Variants in LAMA4 observed in about 807,000 individuals in gnomAD.
LAMA4 encodes laminin subunit alpha-4.
A neutral mutation model predicts 207.1 loss-of-function variants in LAMA4; 127 were observed. The observed-to-expected ratio is 0.61, with a 90% CI of 0.53 to 0.71. The LOEUF is 0.71. Ranked by LOEUF, LAMA4 falls within the 30% of genes least tolerant of loss-of-function variation. The probability of loss-of-function intolerance (pLI) is 0.00; values close to 1 mark genes in which losing one functional copy is unlikely to be tolerated. For missense variants in LAMA4, 2,093 were observed against 2,246.5 expected (o/e 0.93, Z 1.38); for synonymous variants, 761 against 816.0 (o/e 0.93, Z 1.15).
intron 8 of LAMA4, chr6:112,186,828 G>C (rs1782711371): frequency 2.2e-6 from 1 of 454,422 alleles, no homozygotes; most frequent in South Asian, 1.6e-5. Context: ...TGTGGATATG[G>C]AGGGCCAACT....
rs782347783 is a variant in LAMA4, at chr6:112,216,378, C to T, written c.287G>A (p.Gly96Glu). 2 of 1,611,416 alleles carry T rather than the reference C, an allele frequency of 1.2e-6. No homozygotes were observed. The highest frequency in any genetic ancestry group is 8.5e-7 in the Non-Finnish European group (1 of 1,177,490). ...GNSNECLDGSGYCVHCQRNTT... is the reference protein window; with the variant it reads ...GNSNECLDGSEYCVHCQRNTT... ...GGTGCCCCAACTTACCACACAGTAT[C>T]CTGAGCCGTCCAAACACTCGTTGGA... Residue 96 changes from glycine to glutamate, a missense_variant, in exon 3 of 39, where the codon GGA (glycine) becomes GAA (glutamate). By Grantham distance (98) the Gly-to-Glu change is moderately conservative. Around this residue, in one of 3 missense-constraint regions of LAMA4, gnomAD observed 1,704 missense variants for 1,788.4 expected, o/e 0.95. Transcript: ENST00000230538.
Position 112,155,308 on chromosome 6 carries a change from T to G in LAMA4, c.1959+257A>C, listed in dbSNP as rs192210765. 3.0e-5 allele frequency: 17 copies of G among 565,358 alleles called. No individual in the cohort carries two copies. The Admixed American group carries it at 5.0e-4, about 17-fold the overall frequency. 35.0% of individuals were successfully genotyped at this position (565,358 alleles called of 1,614,324 possible). A position where few individuals can be genotyped will look rare whatever the true frequency, so the allele number is the denominator to read the frequency against. On this transcript the variant is annotated intron_variant, in intron 15 of 38. Transcript: ENST00000230538. Reference sequence around the variant, plus strand: ...GCAAGAACTAATTTTAAATACATATTTTTTTTTTCAGGGACTTTGGCTAAA... The same window carrying G: ...GCAAGAACTAATTTTAAATACATATGTTTTTTTTCAGGGACTTTGGCTAAA...
rs553936254 is a variant in LAMA4 at position 112,245,951 on chromosome 6, C to T, written c.195+8005G>A. Among the ~76,000 whole-genome samples, 33 of 152,044 alleles carry T rather than the reference C, an allele frequency of 2.2e-4. No homozygotes were observed. In the South Asian group the frequency reaches 6.0e-3, roughly 28 times the overall value. ...GATTTGGGCTGAATATGGAAATTTT[C>T]CCATTACCATTCAGCTTCAGAATGT... On this transcript the variant is annotated intron_variant, in intron 2 of 38. Coordinates refer to ENST00000230538, the MANE Select transcript of LAMA4 (RefSeq NM_001105206.3).
At chr6:112,190,939 CTTTCT>C (rs1783048346) in intron 6 of LAMA4, among the ~76,000 whole-genome samples, 8 of 45,972 alleles carry the variant, frequency 1.7e-4, no homozygotes, top group African/African-American at 7.2e-4. Context: ...TTCTTTCTTT[CTTTCT>C]TTCCTTTCTT....
rs2114526850 is a variant in LAMA4 at position 112,109,177 on chromosome 6, A to C, written c.*260T>G. 2.0e-6 allele frequency: 1 copy of C among 494,028 alleles called. No homozygotes were observed. The highest frequency in any genetic ancestry group is 3.8e-5 in the East Asian group (1 of 26,458). 30.6% of individuals were successfully genotyped at this position (494,028 alleles called of 1,614,324 possible). A position where few individuals can be genotyped will look rare whatever the true frequency, so the allele number is the denominator to read the frequency against. ...TATTAGAAACAGAAACAGTAATTTCACCAGTAGGAATTGCGTGTGCTCTCA... is the reference window on the plus strand; with the variant it reads ...TATTAGAAACAGAAACAGTAATTTCCCCAGTAGGAATTGCGTGTGCTCTCA... On this transcript the variant is annotated 3_prime_UTR_variant, in exon 39 of 39. Transcript: ENST00000230538.
intron 4 of LAMA4, among the ~76,000 whole-genome samples, chr6:112,204,980 T>C (rs758362434): frequency 6.6e-6 from 1 of 152,200 alleles, no homozygotes; most frequent in Non-Finnish European, 1.5e-5. Flanking sequence ...GATATTGGTG[T>C]TCAATTAAGG....
chr6:112,133,518 G>T (rs1554330619), intron 26 of LAMA4, 31 bp from the exon 27 acceptor site: 2 of 1,612,828 alleles, frequency 1.2e-6, no homozygotes, highest in African/African-American at 1.3e-5. Flanking sequence ...CACTGATACA[G>T]CCATGATGAT....
chr6:112,195,032 G>A (rs980231013), intron 5 of LAMA4, among the ~76,000 whole-genome samples: 3 of 152,076 alleles, frequency 2.0e-5, no homozygotes, highest in African/African-American at 7.2e-5. Context: ...AGATTATTTT[G>A]ACCAAAAACT....
At chr6:112,237,932 G>A (rs1786055764) in intron 2 of LAMA4, among the ~76,000 whole-genome samples, 1 of 152,194 alleles carries the variant, frequency 6.6e-6, no homozygotes, top group South Asian at 2.1e-4. Context: ...GATTAATGTT[G>A]ACAAATCATG....
chr6:112,215,096 T>A lies in LAMA4; in HGVS notation c.297+1272A>T, dbSNP rs367624097. Among the ~76,000 whole-genome samples the A allele has an allele frequency of 3.1e-4, 47 of 152,304 alleles. No individual in the cohort carries two copies. In the East Asian group the frequency reaches 6.2e-3, roughly 20 times the overall value. ...TTAGTTCAAGTGTATCCATGGGATT[T>A]TTCCCCCCAAATGTCACTGGGATTA... On this transcript the variant is annotated intron_variant, in intron 3 of 38. Coordinates refer to ENST00000230538, the MANE Select transcript of LAMA4 (RefSeq NM_001105206.3).
chr6:112,250,464 ATCT>A (rs1233997509), intron 2 of LAMA4, among the ~76,000 whole-genome samples: 9 of 152,176 alleles, frequency 5.9e-5, no homozygotes, highest in Non-Finnish European at 1.2e-4. Flanking sequence ...ATGGGCACTG[ATCT>A]TCTTGGAGTG....
At chr6:112,172,259 G>T (rs1192286659) in intron 12 of LAMA4, 2 of 250,802 alleles carry the variant, frequency 8.0e-6, no homozygotes, top group East Asian at 2.2e-4. Flanking sequence ...CAAAAATTAT[G>T]CATACCCAGA....
In LAMA4 at chr6:112,133,399, C is replaced by G. The variant is rs1554330543; in HGVS notation, c.3646G>C (p.Glu1216Gln). 1 of 1,613,800 alleles carries G rather than the reference C, an allele frequency of 6.2e-7. No homozygotes were observed. Residue 1216 changes from glutamate (E) to glutamine (Q), a missense_variant, in exon 27 of 39, where the codon GAG (glutamate) becomes CAG (glutamine). This residue lies in a region of LAMA4 where 1,704 missense variants were observed against 1,788.4 expected (regional missense o/e 0.95). Transcript: ENST00000230538. ...CCAACTCCCAGGGTTTCTGTCTGCT[C>G]CAGTAAATTGAAGTCCTTCTTTTGG... is the stretch of plus-strand genomic sequence containing the variant. ...QFQKKDFNLL[E>Q]QTETLGVGYG...
At chr6:112,242,222 G>C (rs1786569267) in intron 2 of LAMA4, among the ~76,000 whole-genome samples, 1 of 152,154 alleles carries the variant, frequency 6.6e-6, no homozygotes, top group Non-Finnish European at 1.5e-5. Context: ...AGCACCCAGT[G>C]TGTGTGTGCC....
chr6:112,142,345 G>T, intron 19 of LAMA4, 53 bp from the exon 20 acceptor site: 5 of 1,522,636 alleles, frequency 3.3e-6, no homozygotes, highest in Non-Finnish European at 4.6e-6. Context: ...TGGGCAGAGT[G>T]CTTTCCCGTG....
At chr6:112,158,281 T>A in intron 14 of LAMA4, 1 of 183,758 alleles carries the variant, frequency 5.4e-6, no homozygotes, top group Non-Finnish European at 1.1e-5. Context: ...TCCCGACCAG[T>A]TTTACTTAAG....
chr6:112,170,524 G>A (rs1781652067), intron 12 of LAMA4, among the ~76,000 whole-genome samples: 2 of 152,178 alleles, frequency 1.3e-5, no homozygotes, highest in Admixed American at 6.5e-5. Flanking sequence ...TTCAGGATGA[G>A]AAGAATCACT....
chr6:112,196,393 G>A (rs1053809704), intron 5 of LAMA4: 1 of 151,986 alleles, frequency 6.6e-6, no homozygotes, highest in Non-Finnish European at 1.5e-5. Flanking sequence ...ACTTCTATGA[G>A]CTCAATTTTT....
intron 8 of LAMA4, among the ~76,000 whole-genome samples, chr6:112,185,897 A>T (rs1286546821): frequency 6.6e-6 from 1 of 152,126 alleles, no homozygotes; most frequent in Non-Finnish European, 1.5e-5. Flanking sequence ...GTCTGCCATA[A>T]TGATTCCTGT....
Sources: gnomAD v4.1 joint callset for allele counts (sites outside exome capture counted in the v4.1 genomes callset) on GRCh38, gnomAD v4.1.1 for gene constraint, gnomAD v4.1.1 regional missense constraint, MANE v1.5 for transcripts, NCBI Gene and HGNC (gene_info 2026-07-23, HGNC 2026-07-21) for gene names.